The following TNFRSF1B variants were observed in gnomAD, a reference collection of about 807,000 sequenced individuals.
The protein encoded by TNFRSF1B is TNF receptor superfamily member 1B, also known as tumor necrosis factor receptor superfamily member 1B.
A neutral mutation model predicts 44.6 loss-of-function variants in TNFRSF1B; 19 were observed. The observed-to-expected ratio is 0.43, with a 90% CI of 0.30 to 0.62. TNFRSF1B has a LOEUF of 0.62. TNFRSF1B is among the 20% of genes least tolerant of loss of function. The pLI, the probability that TNFRSF1B is intolerant of heterozygous loss-of-function variation, is 0.16. For missense variants in TNFRSF1B, 541 were observed against 619.9 expected (o/e 0.87, Z 1.35); for synonymous variants, 252 against 261.1 (o/e 0.97, Z 0.34).
intron 8 of TNFRSF1B, among the ~76,000 whole-genome samples, chr1:12,196,471 G>A (rs551729826): frequency 2.4e-4 from 37 of 152,278 alleles, no homozygotes; most frequent in African/African-American, 8.2e-4. Flanking sequence ...GTCCCCTGGA[G>A]GGCAAAATCA....
At chr1:12,194,180 T>C (rs1383407023) in intron 7 of TNFRSF1B, 148 bp downstream of exon 7, 6 of 663,742 alleles carry the variant, frequency 9.0e-6, no homozygotes, top group Non-Finnish European at 1.6e-5. Context: ...AGGCCTGGGG[T>C]GAAGGTACCT....
chr1:12,185,756 G>A (rs572046801), intron 1 of TNFRSF1B, among the ~76,000 whole-genome samples: 1 of 152,324 alleles, frequency 6.6e-6, no homozygotes, highest in East Asian at 1.9e-4. Flanking sequence ...TACAGGAAAG[G>A]ACATTGTAAC....
chr1:12,196,938 C>T lies in TNFRSF1B; in HGVS notation c.900+2320C>T, dbSNP rs569848855. On this transcript the variant is annotated intron_variant, in intron 8 of 9. Coordinates refer to ENST00000376259, the MANE Select transcript of TNFRSF1B (RefSeq NM_001066.3). Reference sequence around the variant, plus strand: ...GCCTAGCAGCCTCTGCTTCCCTTTTCCATTTTTTTTTTCTTTCTTTCTTTT... The same window carrying T: ...GCCTAGCAGCCTCTGCTTCCCTTTTTCATTTTTTTTTTCTTTCTTTCTTTT... 2.8e-5 allele frequency among the ~76,000 whole-genome samples: 4 copies of T among 143,838 alleles called. No homozygotes were observed. The South Asian group carries it at 6.8e-4, about 25-fold the overall frequency. 94.4% of individuals were successfully genotyped at this position (143,838 alleles called of 152,430 possible).
At chr1:12,198,141 A>G (rs888900846) in intron 8 of TNFRSF1B, among the ~76,000 whole-genome samples, 37 of 138,402 alleles carry the variant, frequency 2.7e-4, no homozygotes, top group Non-Finnish European at 2.7e-4. Flanking sequence ...AAAAAAAAAA[A>G]CCAATATGTG....
intron 6 of TNFRSF1B, 79 bp from the exon 7 acceptor site, chr1:12,193,876 G>A (rs2101111658): frequency 1.7e-6 from 2 of 1,160,396 alleles, no homozygotes; most frequent in Non-Finnish European, 1.3e-6. Context: ...AGCACCTTGG[G>A]TCCCTGGCTT....
At chr1:12,176,284 G>A (rs1638654663) in intron 1 of TNFRSF1B, among the ~76,000 whole-genome samples, 1 of 152,192 alleles carries the variant, frequency 6.6e-6, no homozygotes, top group Non-Finnish European at 1.5e-5. Flanking sequence ...TGTCCCAGCT[G>A]TCCTAGCTGG....
At chr1:12,197,324 G>C (rs970411340) in intron 8 of TNFRSF1B, among the ~76,000 whole-genome samples, 3 of 152,168 alleles carry the variant, frequency 2.0e-5, no homozygotes, top group African/African-American at 7.2e-5. Flanking sequence ...CCAGTGGTGT[G>C]TCTAGTGCAG....
intron 1 of TNFRSF1B, among the ~76,000 whole-genome samples, chr1:12,176,635 C>T (rs1243178939): frequency 2.6e-5 from 4 of 152,222 alleles, no homozygotes; most frequent in Non-Finnish European, 5.9e-5. Context: ...ACCACACACA[C>T]ACTCCTATCA....
intron 1 of TNFRSF1B, among the ~76,000 whole-genome samples, chr1:12,183,711 T>TCTATCTACCTATCTATCTA (rs1553163383): frequency 3.2e-5 from 3 of 93,224 alleles, no homozygotes; most frequent in Admixed American, 1.0e-4. Context: ...TATCTATCTA[T>TCTATCTACCTATCTATCTA]TCTATCTACC....
chr1:12,194,277 G>A (rs959724871), intron 7 of TNFRSF1B, among the ~76,000 whole-genome samples: 3 of 152,136 alleles, frequency 2.0e-5, no homozygotes, highest in African/African-American at 7.2e-5. Context: ...AGGAAGCCTG[G>A]GGGATTCGGG....
Position 12,176,173 on chromosome 1 carries a change from C to T in TNFRSF1B, c.78+9004C>T, listed in dbSNP as rs61196697. 1.4e-3 allele frequency among the ~76,000 whole-genome samples: 214 copies of T among 152,136 alleles called. 4 individuals carry two copies. The East Asian group carries it at 0.033, about 24-fold the overall frequency. On this transcript the variant is annotated intron_variant, in intron 1 of 9. Transcript: ENST00000376259. The stretch of plus-strand genomic sequence containing the variant: ...GGCGGAGGTTGCCGTGAGCTGAGAT[C>T]GCACCATTGCACTCCAGTCTGGGTG...
At chr1:12,181,709 G>A (rs1274519917) in intron 1 of TNFRSF1B, among the ~76,000 whole-genome samples, 6 of 151,510 alleles carry the variant, frequency 4.0e-5, no homozygotes, top group Admixed American at 3.9e-4. Flanking sequence ...TGCCCTCCCT[G>A]GGGGGAAGGG....
At chr1:12,184,262 G>A (rs1036643916) in intron 1 of TNFRSF1B, among the ~76,000 whole-genome samples, 2 of 152,218 alleles carry the variant, frequency 1.3e-5, no homozygotes, top group Non-Finnish European at 2.9e-5. Flanking sequence ...CCTGGGGACT[G>A]CTGCTGTGGA....
Position 12,167,513 on chromosome 1 carries a change from C to T in TNFRSF1B, c.78+344C>T, listed in dbSNP as rs569852440. On this transcript the variant is annotated intron_variant, in intron 1 of 9. Coordinates refer to ENST00000376259, the MANE Select transcript of TNFRSF1B (RefSeq NM_001066.3). Reference sequence around the variant, plus strand: ...GCAGACCCCCGCTAGACCCGGGACCCCTCTTCCCTCACCCCGGCGACTGCC... The same window carrying T: ...GCAGACCCCCGCTAGACCCGGGACCTCTCTTCCCTCACCCCGGCGACTGCC... 5 of 433,850 alleles carry T rather than the reference C, an allele frequency of 1.2e-5. No homozygotes were observed. The East Asian group carries it at 2.1e-4, about 18-fold the overall frequency. 26.9% of individuals were successfully genotyped at this position (433,850 alleles called of 1,614,324 possible).
At chr1:12,167,863 C>T (rs577289030) in intron 1 of TNFRSF1B, among the ~76,000 whole-genome samples, 91 of 152,204 alleles carry the variant, frequency 6.0e-4, no homozygotes, top group African/African-American at 1.9e-3. Flanking sequence ...ATGAAGTCTC[C>T]GGGGGCCGCA....
rs1422439287 is a variant in TNFRSF1B, at chr1:12,174,262, T to TTCTC, written c.78+7093_78+7094insTCTC. Among the ~76,000 whole-genome samples the TTCTC allele has an allele frequency of 1.1e-3, 120 of 111,572 alleles. 14 individuals carry two copies. Among genetic ancestry groups the TTCTC allele is most frequent in the Admixed American group, 8.3e-3 (89 of 10,692 alleles). 73.2% of individuals were successfully genotyped at this position (111,572 alleles called of 152,430 possible). On this transcript the variant is annotated intron_variant, in intron 1 of 9. Transcript: ENST00000376259. ...TCCTTCTCCTTCTCCTTCTCCTTCT[T>TTCTC]CTTCTGATGGAGTCTGACTCCGTTG... is the stretch of plus-strand genomic sequence containing the variant.
chr1:12,192,010 A>G (rs1639147048), intron 4 of TNFRSF1B, 87 bp downstream of exon 4: 1 of 1,513,064 alleles, frequency 6.6e-7, no homozygotes, highest in Admixed American at 1.9e-5. Context: ...TCAACCCATT[A>G]ATTAGTCCAG....
rs770975763 is a variant in TNFRSF1B, at chr1:12,180,453, C to T, written c.79-8343C>T. On this transcript the variant is annotated intron_variant, in intron 1 of 9. Coordinates refer to ENST00000376259, the MANE Select transcript of TNFRSF1B (RefSeq NM_001066.3). The surrounding 1 kb of genome is among the most constrained non-coding windows in gnomAD (Gnocchi z 4.3). ...GAGAAGGCATTGAGGGCCCCCACCTCGGGTACTTGCAGGGCCTTGGCCTGG... is the reference window on the plus strand; with the variant it reads ...GAGAAGGCATTGAGGGCCCCCACCTTGGGTACTTGCAGGGCCTTGGCCTGG... 2.0e-5 allele frequency among the ~76,000 whole-genome samples: 3 copies of T among 152,162 alleles called. No individual in the cohort carries two copies. The highest frequency in any genetic ancestry group is 7.2e-5 in the African/African-American group (3 of 41,430).
rs1195040901 is a variant in TNFRSF1B at position 12,201,964 on chromosome 1, C to T, written c.901-3C>T. Reference sequence around the variant, plus strand: ...TCTCCCCTACCACCCCCTGCCCATCCAGCCTCACTTGCCTGCCGATAAGGC... The same window carrying T: ...TCTCCCCTACCACCCCCTGCCCATCTAGCCTCACTTGCCTGCCGATAAGGC... On this transcript the variant is annotated splice_polypyrimidine_tract_variant and splice_region_variant and intron_variant, in intron 8 of 9. Coordinates refer to ENST00000376259, the MANE Select transcript of TNFRSF1B (RefSeq NM_001066.3). 4 of 1,606,132 alleles carry T rather than the reference C, an allele frequency of 2.5e-6. No individual in the cohort carries two copies. In the Admixed American group the frequency reaches 5.0e-5, roughly 20 times the overall value.
Sources: allele counts gnomAD v4.1 joint callset (sites outside exome capture counted in the v4.1 genomes callset), GRCh38; gene constraint gnomAD v4.1.1; non-coding constraint Gnocchi (gnomAD v3.1); transcripts MANE v1.5; gene names NCBI Gene and HGNC (gene_info 2026-07-23, HGNC 2026-07-21).